KATNAL2: variants seen among roughly 807,000 people sequenced by gnomAD.
KATNAL2 encodes the protein katanin catalytic subunit A1 like 2.
A neutral mutation model predicts 76.3 loss-of-function variants in KATNAL2; 52 were observed. The ratio of observed to expected loss-of-function variants is 0.68; its 90% CI spans 0.55 to 0.86. KATNAL2 has a LOEUF of 0.86. Among genes scored for constraint, KATNAL2 ranks in the 40% least tolerant of loss-of-function variants. KATNAL2 has a pLI of 0.00. For missense variants in KATNAL2, 660 were observed against 668.9 expected, an observed-to-expected ratio of 0.99 and a Z score of 0.15; for synonymous variants, 243 against 244.2, an observed-to-expected ratio of 1.00 and a Z score of 0.05.
chr18:47,062,448 G>T (rs1372608929), intron 8 of KATNAL2, among the ~76,000 whole-genome samples: 1 of 150,750 alleles, frequency 6.6e-6, no homozygotes, highest in African/African-American at 2.4e-5. Context: ...ATACATTGTT[G>T]GTGGAAATTA....
intron 3 of KATNAL2, among the ~76,000 whole-genome samples, chr18:46,952,061 C>CCCA (rs1224546225): frequency 6.6e-6 from 1 of 151,968 alleles, no homozygotes; most frequent in Admixed American, 6.6e-5. Context: ...GCATGAGCCA[C>CCCA]CATGCTAGGC....
chr18:47,080,290 A>AT (rs757847838), intron 15 of KATNAL2, among the ~76,000 whole-genome samples: 2 of 151,806 alleles, frequency 1.3e-5, no homozygotes, highest in Non-Finnish European at 2.9e-5. Context: ...CATTAGTTTC[A>AT]TTTTTTCCCC....
In KATNAL2 at chr18:46,961,753, G is replaced by A. The variant is rs113417822; in HGVS notation, c.51+14830G>A. Among the ~76,000 whole-genome samples the A allele has an allele frequency of 5.2e-3, 795 of 152,276 alleles. 8 individuals carry two copies. Among genetic ancestry groups the A allele is most frequent in the African/African-American group, 0.018 (765 of 41,552 alleles). The stretch of plus-strand genomic sequence containing the variant: ...TTTTTCACAGACCTGATATTCAGGT[G>A]AGAGAAAATAGTCCAAGGCCAGTCT... On this transcript the variant is annotated intron_variant, in intron 3 of 17. Transcript: ENST00000683218.
chr18:47,098,637 G>A (rs927442167), intron 15 of KATNAL2: 10 of 154,568 alleles, frequency 6.5e-5, no homozygotes, highest in African/African-American at 1.7e-4. Context: ...ACATAAACTT[G>A]GCCTGACAGT....
At chr18:46,927,881 T>A (rs1371445776) in intron 1 of KATNAL2, among the ~76,000 whole-genome samples, 2 of 152,244 alleles carry the variant, frequency 1.3e-5, no homozygotes, top group Non-Finnish European at 2.9e-5. Flanking sequence ...TTGCATCGGC[T>A]ACTGAGCCTT....
chr18:47,063,116 C>A lies in KATNAL2; in HGVS notation c.648+46C>A, dbSNP rs751389472. 17 of 1,534,418 alleles carry A rather than the reference C, an allele frequency of 1.1e-5. No individual in the cohort carries two copies. The African/African-American group carries it at 1.8e-4, about 16-fold the overall frequency. On this transcript the variant is annotated intron_variant, in intron 9 of 17. Transcript: ENST00000683218. ...ATTCATCTTTCAAATTGCCAACATC[C>A]AGATGAACTCTGGAAATATAATTTT...
chr18:46,961,618 C>G (rs1261459471), intron 3 of KATNAL2, among the ~76,000 whole-genome samples: 1 of 152,160 alleles, frequency 6.6e-6, no homozygotes, highest in Non-Finnish European at 1.5e-5. Context: ...AGGATTAAAC[C>G]TCTGCCAAAC....
At chr18:47,054,313 A>G (rs1386246833) in intron 5 of KATNAL2, 83 bp from the exon 6 acceptor site, 39 of 1,245,074 alleles carry the variant, frequency 3.1e-5, no homozygotes, top group Non-Finnish European at 3.5e-5. Flanking sequence ...GAACAATGCA[A>G]AAAGGGGAAA....
Position 47,045,499 on chromosome 18 carries a change from T to C in KATNAL2, c.52-958T>C, listed in dbSNP as rs188660553. On this transcript the variant is annotated intron_variant, in intron 3 of 17. Transcript: ENST00000683218. ...TGCCACCACTGGCTAATTTTTGTAG[T>C]TTTTGTAGAGATGGGGTTTTCCCAT... Among the ~76,000 whole-genome samples the C allele has an allele frequency of 1.9e-4, 29 of 152,124 alleles. No individual in the cohort carries two copies. In the East Asian group the frequency reaches 5.6e-3, roughly 29 times the overall value.
intron 13 of KATNAL2, among the ~76,000 whole-genome samples, chr18:47,071,807 A>G (rs560681353): frequency 2.0e-4 from 30 of 151,476 alleles, no homozygotes; most frequent in African/African-American, 6.5e-4. Flanking sequence ...CTGTGTGAGC[A>G]TTGTATTTAC....
intron 15 of KATNAL2, among the ~76,000 whole-genome samples, chr18:47,079,073 C>T (rs2062383001): frequency 6.6e-6 from 1 of 152,144 alleles, no homozygotes. Flanking sequence ...GTTTTAATAA[C>T]TAACACCATC....
chr18:47,034,993 T>C (rs1302739937), intron 3 of KATNAL2: 1 of 1,611,412 alleles, frequency 6.2e-7, no homozygotes, highest in Non-Finnish European at 8.5e-7. Flanking sequence ...AGCGCTCTCC[T>C]CAGGGTCCTG....
At chr18:46,932,888 C>G (rs2058975537) in intron 1 of KATNAL2, among the ~76,000 whole-genome samples, 1 of 151,692 alleles carries the variant, frequency 6.6e-6, no homozygotes, top group African/African-American at 2.4e-5. Context: ...CCTCAACCTC[C>G]TTAGTAACTG....
intron 15 of KATNAL2, among the ~76,000 whole-genome samples, chr18:47,086,760 G>A (rs2062792513): frequency 6.6e-6 from 1 of 152,228 alleles, no homozygotes; most frequent in Non-Finnish European, 1.5e-5. Context: ...AAACCCATAT[G>A]ACGAGGAAAG....
intron 10 of KATNAL2, among the ~76,000 whole-genome samples, chr18:47,065,796 T>C (rs2061772807): frequency 6.6e-6 from 1 of 151,694 alleles, no homozygotes; most frequent in South Asian, 2.1e-4. Flanking sequence ...CTGGGCAACA[T>C]AGTGAGACTC....
chr18:47,080,063 T>C (rs1412544938), intron 15 of KATNAL2, among the ~76,000 whole-genome samples: 1 of 152,200 alleles, frequency 6.6e-6, no homozygotes, highest in Non-Finnish European at 1.5e-5. Flanking sequence ...TTTCCTCTGA[T>C]CAACAGCTGG....
At chr18:47,041,448 A>G (rs1488439273) in intron 3 of KATNAL2, among the ~76,000 whole-genome samples, 1 of 152,154 alleles carries the variant, frequency 6.6e-6, no homozygotes, top group Admixed American at 6.5e-5. Flanking sequence ...ATTTGGAATC[A>G]TACAGTATAT....
chr18:46,936,509 G>A (rs1306388854), intron 1 of KATNAL2, among the ~76,000 whole-genome samples: 1 of 152,168 alleles, frequency 6.6e-6, no homozygotes, highest in African/African-American at 2.4e-5. Context: ...AGAGGCTCAG[G>A]TGGGGGGATC....
chr18:46,956,653 C>A (rs1236921201), intron 3 of KATNAL2, among the ~76,000 whole-genome samples: 1 of 152,220 alleles, frequency 6.6e-6, no homozygotes, highest in East Asian at 1.9e-4. Context: ...AGCAAGAACT[C>A]TGGCAAGTTT....
Sources: allele counts gnomAD v4.1 joint callset (sites outside exome capture counted in the v4.1 genomes callset), GRCh38; gene constraint gnomAD v4.1.1; transcripts MANE v1.5; gene names NCBI Gene and HGNC (gene_info 2026-07-23, HGNC 2026-07-21).